Variants in MDGA2 observed in about 807,000 individuals in gnomAD.
MDGA2 encodes the protein MAM domain-containing glycosylphosphatidylinositol anchor protein 2.
Under a neutral mutation model 117.8 loss-of-function variants are expected in MDGA2, and 40 were observed. The observed-to-expected ratio is 0.34, with a 90% CI of 0.26 to 0.44. MDGA2 has a LOEUF of 0.44. Ranked by LOEUF, MDGA2 falls within the 20% of genes least tolerant of loss-of-function variation. The pLI, the probability that MDGA2 is intolerant of heterozygous loss-of-function variation, is 1.00. For missense variants in MDGA2, 1,123 were observed against 1,250.6 expected (o/e 0.90, Z 1.54); for synonymous variants, 452 against 439.0 (o/e 1.03, Z -0.37).
At chr14:47,454,462 A>G (rs1893305388) in intron 1 of MDGA2, among the ~76,000 whole-genome samples, 1 of 152,212 alleles carries the variant, frequency 6.6e-6, no homozygotes, top group African/African-American at 2.4e-5. Context: ...TACATAAAAC[A>G]CAGGACCAAA....
chr14:47,070,367 G>T (rs559019678), intron 6 of MDGA2, among the ~76,000 whole-genome samples: 1 of 152,212 alleles, frequency 6.6e-6, no homozygotes, highest in East Asian at 1.9e-4. Context: ...GCTCCATCGA[G>T]TTGTAAATAA....
At chr14:46,864,543 CTGTTTTT>C (rs1380198146) in intron 14 of MDGA2, among the ~76,000 whole-genome samples, 244 of 17,186 alleles carry the variant, frequency 0.014, no homozygotes, top group African/African-American at 0.045. Context: ...GCAGATATTG[CTGTTTTT>C]TTTTTTTTTT....
chr14:47,362,969 A>T (rs985600757), intron 1 of MDGA2, among the ~76,000 whole-genome samples: 6 of 152,186 alleles, frequency 3.9e-5, no homozygotes, highest in African/African-American at 1.4e-4. Flanking sequence ...TGCAAAAGCA[A>T]TTAGTAAAGC....
chr14:47,210,973 C>A (rs970460331), intron 3 of MDGA2, among the ~76,000 whole-genome samples: 1 of 151,970 alleles, frequency 6.6e-6, no homozygotes, highest in Non-Finnish European at 1.5e-5. Context: ...ACACAGCAAA[C>A]CCTGTCTCTA....
chr14:47,061,980 C>T (rs1347127537), intron 6 of MDGA2, among the ~76,000 whole-genome samples: 1 of 151,956 alleles, frequency 6.6e-6, no homozygotes, highest in Non-Finnish European at 1.5e-5. Flanking sequence ...CCCTATGTCA[C>T]TACTTAGTTA....
chr14:47,154,736 T>C (rs1221079072), intron 3 of MDGA2, among the ~76,000 whole-genome samples: 2 of 152,106 alleles, frequency 1.3e-5, no homozygotes, highest in Admixed American at 6.5e-5. Flanking sequence ...GAGGCCAAGA[T>C]GGGGCTGAGG....
intron 8 of MDGA2, among the ~76,000 whole-genome samples, chr14:47,006,485 TAA>T (rs1252675798): frequency 6.7e-6 from 1 of 149,146 alleles, no homozygotes; most frequent in Non-Finnish European, 1.5e-5. Context: ...ATTAATAACA[TAA>T]AGAGTGAACA....
At chr14:47,422,993 C>G (rs1440275441) in intron 1 of MDGA2, among the ~76,000 whole-genome samples, 1 of 152,114 alleles carries the variant, frequency 6.6e-6, no homozygotes, top group Non-Finnish European at 1.5e-5. Flanking sequence ...TATTAATTTC[C>G]TTTTTCCTAC....
At chr14:47,232,818 A>G (rs1886736275) in intron 2 of MDGA2, among the ~76,000 whole-genome samples, 1 of 152,162 alleles carries the variant, frequency 6.6e-6, no homozygotes, top group African/African-American at 2.4e-5. Context: ...ATGAGTTTAA[A>G]TGATGGTTTT....
At chr14:46,903,774 G>T (rs1167779996) in intron 10 of MDGA2, among the ~76,000 whole-genome samples, 11 of 151,940 alleles carry the variant, frequency 7.2e-5, no homozygotes, top group Non-Finnish European at 4.4e-5. Context: ...CTTTATCTCG[G>T]TTTGTGCCTT....
At chr14:46,976,547 T>C (rs111799070) in intron 8 of MDGA2, among the ~76,000 whole-genome samples, 93 of 152,048 alleles carry the variant, frequency 6.1e-4, no homozygotes, top group African/African-American at 2.2e-3. Context: ...TATTTTACAT[T>C]ATCTAGCATG....
chr14:47,614,696 C>CTCTCT (rs1305914626), intron 1 of MDGA2, among the ~76,000 whole-genome samples: 6 of 152,172 alleles, frequency 3.9e-5, no homozygotes, highest in Admixed American at 1.3e-4. Flanking sequence ...CAGATAAAAC[C>CTCTCT]TCTACTGAAG....
chr14:47,099,521 T>C (rs17213353), intron 5 of MDGA2, among the ~76,000 whole-genome samples: 3,596 of 152,032 alleles, frequency 0.024, 71 homozygotes, highest in Middle Eastern at 0.048. Flanking sequence ...TTCTTATAGG[T>C]TTCCATAGCT....
At chr14:47,171,129 C>T (rs564413807) in intron 3 of MDGA2, among the ~76,000 whole-genome samples, 5 of 151,958 alleles carry the variant, frequency 3.3e-5, no homozygotes, top group African/African-American at 7.2e-5. Context: ...AAAATCATAA[C>T]GTTTTAAAAA....
chr14:47,301,283 A>C (rs67538393), intron 2 of MDGA2, 128 bp downstream of exon 2: 201,103 of 926,934 alleles, frequency 0.22, 20,248 homozygotes, highest in South Asian at 0.29. Context: ...ACACACACAC[A>C]CCCACACCCA....
chr14:47,511,936 T>C (rs1471204596), intron 1 of MDGA2, among the ~76,000 whole-genome samples: 1 of 152,156 alleles, frequency 6.6e-6, no homozygotes, highest in East Asian at 1.9e-4. Context: ...GGTTTGTGTG[T>C]GTGTGTATTT....
chr14:46,898,750 G>C (rs1385700556), intron 10 of MDGA2, among the ~76,000 whole-genome samples: 1 of 152,056 alleles, frequency 6.6e-6, no homozygotes, highest in Non-Finnish European at 1.5e-5. Flanking sequence ...TACAAGACTG[G>C]ATAGGACATG....
chr14:47,602,457 CTCTT>C (rs1896665781), intron 1 of MDGA2, among the ~76,000 whole-genome samples: 1 of 147,702 alleles, frequency 6.8e-6, no homozygotes, highest in African/African-American at 2.5e-5. Flanking sequence ...AGCTCTGAAG[CTCTT>C]TATTTAAAAA....
intron 3 of MDGA2, among the ~76,000 whole-genome samples, chr14:47,165,838 C>T (rs1883847648): frequency 6.6e-6 from 1 of 152,056 alleles, no homozygotes; most frequent in African/African-American, 2.4e-5. Context: ...TTGTAATAAA[C>T]CCTTGTCCCA....
Sources: gnomAD v4.1 joint callset for allele counts (sites outside exome capture counted in the v4.1 genomes callset) on GRCh38, gnomAD v4.1.1 for gene constraint, MANE v1.5 for transcripts, NCBI Gene and HGNC (gene_info 2026-07-23, HGNC 2026-07-21) for gene names.